The following ITPR1 variants were observed in gnomAD, a reference collection of about 807,000 sequenced individuals.
ITPR1 encodes inositol 1,4,5-trisphosphate-gated calcium channel ITPR1.
In ITPR1, 96 loss-of-function variants were observed where a neutral mutation model predicts 318.4. The observed-to-expected ratio is 0.30, with a 90% CI of 0.26 to 0.36. The LOEUF (loss-of-function observed/expected upper bound fraction) is 0.36, where lower values mean the gene tolerates loss of function less well. Among genes scored for constraint, ITPR1 ranks in the 10% least tolerant of loss-of-function variants. The pLI, the probability that ITPR1 is intolerant of heterozygous loss-of-function variation, is 1.00. For missense variants in ITPR1, 2,440 were observed against 3,460.2 expected, an observed-to-expected ratio of 0.71 and a Z score of 7.40; for synonymous variants, 1,312 against 1,289.9, an observed-to-expected ratio of 1.02 and a Z score of -0.37.
chr3:4,520,103 C>A (rs777694803), intron 3 of ITPR1, among the ~76,000 whole-genome samples: 112 of 152,266 alleles, frequency 7.4e-4, no homozygotes, highest in Non-Finnish European at 1.5e-3. Flanking sequence ...AATGGAGGAA[C>A]CCTGGAAAAC....
intron 2 of ITPR1, among the ~76,000 whole-genome samples, chr3:4,505,441 C>T (rs1054933418): frequency 6.6e-6 from 1 of 152,232 alleles, no homozygotes; most frequent in Non-Finnish European, 1.5e-5. Context: ...GATCCACCCA[C>T]CTTGGCCTCC....
intron 2 of ITPR1, among the ~76,000 whole-genome samples, chr3:4,512,914 A>C (rs1296035901): frequency 6.9e-6 from 1 of 145,054 alleles, no homozygotes; most frequent in Non-Finnish European, 1.5e-5. Context: ...TGAGCGCCTA[A>C]GCCTGCCCTC....
At chr3:4,730,210 C>T (rs1162885750) in intron 42 of ITPR1, among the ~76,000 whole-genome samples, 2 of 128,674 alleles carry the variant, frequency 1.6e-5, no homozygotes, top group Non-Finnish European at 1.6e-5. Context: ...GAATGAATCT[C>T]ATCTTTAAAA....
intron 5 of ITPR1, among the ~76,000 whole-genome samples, chr3:4,632,344 A>G (rs924246160): frequency 1.3e-5 from 2 of 152,178 alleles, no homozygotes; most frequent in African/African-American, 4.8e-5. Context: ...TTCCTCTCCT[A>G]TACTTTTTAC....
At chr3:4,696,371 T>G (rs1271616020) in intron 33 of ITPR1, among the ~76,000 whole-genome samples, 2 of 152,202 alleles carry the variant, frequency 1.3e-5, no homozygotes, top group African/African-American at 4.8e-5. Context: ...CATGTGGTCT[T>G]TTATGACTGG....
rs60721566 is a variant in ITPR1, at chr3:4,693,846, G to T, written c.4281+105G>T. On this transcript the variant is annotated intron_variant, in intron 33 of 61. Transcript: ENST00000649015. ...TGGCTGGCCTGGGGGAGCCCTCATG[G>T]CTCTGAAAGCTGCAGCTCATTTTGT... The T allele has an allele frequency of 0.012, 13,865 of 1,202,494 alleles. 1,229 individuals are homozygous for T. In the African/African-American group the frequency reaches 0.19, roughly 16 times the overall value. The allele number at this position is 1,202,494 out of a possible 1,614,324, so 74.5% of individuals were successfully genotyped here.
intron 42 of ITPR1, among the ~76,000 whole-genome samples, chr3:4,732,495 T>A (rs200023121): frequency 1.5e-4 from 22 of 145,560 alleles, no homozygotes; most frequent in Non-Finnish European, 2.1e-4. Context: ...GGTTTTTTTT[T>A]ATATATTTGA....
At chr3:4,662,373 G>A in intron 15 of ITPR1, 131 bp downstream of exon 15, 1 of 678,196 alleles carries the variant, frequency 1.5e-6, no homozygotes, top group Non-Finnish European at 2.2e-6. Flanking sequence ...ATTTATGGGT[G>A]GCTTCAATGT....
intron 4 of ITPR1, among the ~76,000 whole-genome samples, chr3:4,590,641 T>C (rs1053464484): frequency 2.0e-5 from 3 of 152,018 alleles, no homozygotes; most frequent in African/African-American, 7.2e-5. Flanking sequence ...CTTGAACTCC[T>C]GAGCTCAAGC....
intron 24 of ITPR1, among the ~76,000 whole-genome samples, chr3:4,678,245 A>C (rs1276763602): frequency 1.3e-5 from 2 of 152,244 alleles, no homozygotes; most frequent in African/African-American, 4.8e-5. Context: ...CCTGAGCAAC[A>C]GTAGAGAAAG....
In ITPR1 at chr3:4,787,994, C is replaced by T; in HGVS notation, c.6663C>T (p.Pro2221=). The T allele has an allele frequency of 6.2e-7, 1 of 1,612,826 alleles. No homozygotes were observed. ...TGGAACAGATAGTCTTTCCCGTGCC[C>T]AGCATATGTGAATTCCTAACCAAGG... ...RTMEQIVFPV[P]SICEFLTKES... is the part of the protein sequence containing the mutation. The change falls in exon 52 of 62, where the codon CCC becomes CCT. Residue 2221 remains proline (P), a synonymous_variant. Transcript: ENST00000649015.
At chr3:4,646,203 A>G (rs1207270207) in intron 10 of ITPR1, among the ~76,000 whole-genome samples, 1 of 152,238 alleles carries the variant, frequency 6.6e-6, no homozygotes, top group Admixed American at 6.5e-5. Context: ...GAAGATATAC[A>G]CCCAGATAAC....
At chr3:4,604,080 G>T (rs1201637037) in intron 4 of ITPR1, among the ~76,000 whole-genome samples, 3 of 152,198 alleles carry the variant, frequency 2.0e-5, no homozygotes, top group Non-Finnish European at 4.4e-5. Context: ...TTTCTTCAGT[G>T]ATTAGTGATG....
intron 4 of ITPR1, among the ~76,000 whole-genome samples, chr3:4,540,065 CT>C (rs1383731464): frequency 2.7e-5 from 4 of 150,356 alleles, no homozygotes; most frequent in African/African-American, 9.8e-5. Flanking sequence ...AAAATTCTCA[CT>C]GTGACAGTAG....
intron 4 of ITPR1, among the ~76,000 whole-genome samples, chr3:4,624,118 C>T (rs772315594): frequency 6.6e-6 from 1 of 152,040 alleles, no homozygotes; most frequent in Non-Finnish European, 1.5e-5. Flanking sequence ...CCTGAGTGTC[C>T]CCCACATCTA....
intron 52 of ITPR1, among the ~76,000 whole-genome samples, chr3:4,790,935 C>T (rs1037094843): frequency 2.0e-5 from 3 of 152,152 alleles, no homozygotes; most frequent in Admixed American, 6.5e-5. Flanking sequence ...GATCCTATCC[C>T]CAGTGAAGTG....
In ITPR1 at chr3:4,733,111, G is replaced by A; in HGVS notation, c.5244G>A (p.Leu1748=). The A allele has an allele frequency of 6.2e-7, 1 of 1,613,436 alleles. No homozygotes were observed. The highest frequency in any genetic ancestry group is 1.1e-5 in the South Asian group (1 of 90,948). Reference sequence around the variant, plus strand: ...AGGGTGAGGCGCTCAGGCAAGTTCTGGTCAACCGTTACTATGGAAACGTCA... The same window carrying A: ...AGGGTGAGGCGCTCAGGCAAGTTCTAGTCAACCGTTACTATGGAAACGTCA... ...HKRGEALRQV[L]VNRYYGNVRP... Residue 1748 remains leucine, a synonymous_variant, in exon 43 of 62, where the codon CTG becomes CTA. Transcript: ENST00000649015.
At chr3:4,606,375 T>C (rs1262110794) in intron 4 of ITPR1, among the ~76,000 whole-genome samples, 1 of 152,076 alleles carries the variant, frequency 6.6e-6, no homozygotes, top group African/African-American at 2.4e-5. Flanking sequence ...GCTGGTAACA[T>C]GGGAATACAA....
rs1343055075 is a variant in ITPR1 at position 4,551,003 on chromosome 3, C to A, written c.163+29909C>A. Among the ~76,000 whole-genome samples, 4 of 152,290 alleles carry A rather than the reference C, an allele frequency of 2.6e-5. No individual in the cohort carries two copies. The South Asian group carries it at 6.2e-4, about 24-fold the overall frequency. ...ACTGAGAATAGAATAGTGCTGCCTG[C>A]CTTTGTGTTTACATCTCACATAGAG... On this transcript the variant is annotated intron_variant, in intron 4 of 61. Coordinates refer to ENST00000649015, the MANE Select transcript of ITPR1 (RefSeq NM_001378452.1).
Sources: allele counts gnomAD v4.1 joint callset (sites outside exome capture counted in the v4.1 genomes callset), GRCh38; gene constraint gnomAD v4.1.1; transcripts MANE v1.5; gene names NCBI Gene and HGNC (gene_info 2026-07-23, HGNC 2026-07-21).